The following TBC1D14 variants were observed in gnomAD, a reference collection of about 807,000 sequenced individuals.
TBC1D14 encodes the protein TBC1 domain family, member 14.
Under a neutral mutation model 79.0 loss-of-function variants are expected in TBC1D14, and 26 were observed. The observed-to-expected ratio is 0.33, with a 90% CI of 0.24 to 0.46. The LOEUF is 0.46. Ranked by LOEUF, TBC1D14 falls within the 20% of genes least tolerant of loss-of-function variation. The probability of loss-of-function intolerance (pLI) is 1.00; values close to 1 mark genes in which losing one functional copy is unlikely to be tolerated. For synonymous variants in TBC1D14, 394 were observed against 349.9 expected (o/e 1.13, Z -1.40); for missense variants, 769 against 887.6 (o/e 0.87, Z 1.70).
intron 12 of TBC1D14, among the ~76,000 whole-genome samples, chr4:7,019,180 C>T (rs1160017383): frequency 6.6e-6 from 1 of 152,114 alleles, no homozygotes; most frequent in African/African-American, 2.4e-5. Context: ...CGCCACCACC[C>T]CCAGCTAATT....
Position 7,006,619 on chromosome 4 carries a change from C to T in TBC1D14, c.1352-13C>T, listed in dbSNP as rs762608269. ...CCTTGAGGAATGTAATTATTTTTGG[C>T]ATCTTTTGACAGATGCTGGTTTTTC... is the stretch of plus-strand genomic sequence containing the variant. On this transcript the variant is annotated splice_polypyrimidine_tract_variant and intron_variant, in intron 8 of 13. Transcript: ENST00000409757. 20 of 1,610,422 alleles carry T rather than the reference C, an allele frequency of 1.2e-5. 2 individuals carry two copies. In the South Asian group the frequency reaches 2.1e-4, roughly 17 times the overall value.
chr4:7,031,583 G>A lies in TBC1D14; in HGVS notation c.*1191G>A, dbSNP rs1420781820. 6.6e-6 allele frequency: 1 copy of A among 152,222 alleles called. No homozygotes were observed. Among genetic ancestry groups the A allele is most frequent in the Non-Finnish European group, 1.5e-5 (1 of 68,036 alleles). The allele number at this position is 152,222 out of a possible 1,614,324, so 9.4% of individuals were successfully genotyped here. On this transcript the variant is annotated 3_prime_UTR_variant, in exon 14 of 14. Coordinates refer to ENST00000409757, the MANE Select transcript of TBC1D14 (RefSeq NM_020773.3). ...TGTAGAACTTTGTGTGAGGACTTTGGTTATCCAAAATCACAGAAATGAACC... is the reference window on the plus strand; with the variant it reads ...TGTAGAACTTTGTGTGAGGACTTTGATTATCCAAAATCACAGAAATGAACC...
At chr4:7,010,537 C>A in intron 10 of TBC1D14, 116 bp from the exon 11 acceptor site, 3 of 1,274,822 alleles carry the variant, frequency 2.4e-6, no homozygotes, top group Non-Finnish European at 2.1e-6. Context: ...AGGAGTGGGG[C>A]GGCTCTAGGG....
At chr4:6,946,542 C>T (rs998555284) in intron 2 of TBC1D14, among the ~76,000 whole-genome samples, 6 of 152,096 alleles carry the variant, frequency 3.9e-5, no homozygotes, top group East Asian at 1.9e-4. Flanking sequence ...ATGCTGGTCT[C>T]GAACTCCTAA....
At chr4:6,918,213 A>G (rs928004841) in intron 1 of TBC1D14, among the ~76,000 whole-genome samples, 10 of 152,192 alleles carry the variant, frequency 6.6e-5, no homozygotes, top group Non-Finnish European at 1.2e-4. Flanking sequence ...CTTGGCGGCA[A>G]TTCAGGGAAG....
chr4:7,015,899 T>C (rs1211118590), intron 12 of TBC1D14, among the ~76,000 whole-genome samples: 1 of 152,204 alleles, frequency 6.6e-6, no homozygotes, highest in Admixed American at 6.5e-5. Flanking sequence ...GTAAAGAATG[T>C]ACTATTCGAC....
chr4:6,944,555 A>G (rs1713239560), intron 2 of TBC1D14, among the ~76,000 whole-genome samples: 1 of 152,172 alleles, frequency 6.6e-6, no homozygotes, highest in Non-Finnish European at 1.5e-5. Context: ...TGTCCTTGGC[A>G]GATGGAGTTC....
At chr4:6,989,697 GT>G (rs1012349940) in intron 3 of TBC1D14, among the ~76,000 whole-genome samples, 1 of 152,136 alleles carries the variant, frequency 6.6e-6, no homozygotes, top group Non-Finnish European at 1.5e-5. Flanking sequence ...TCACAAATTA[GT>G]TTCCTCTTTT....
intron 1 of TBC1D14, among the ~76,000 whole-genome samples, chr4:6,917,850 C>T (rs1723527036): frequency 6.6e-6 from 1 of 152,162 alleles, no homozygotes; most frequent in Non-Finnish European, 1.5e-5. Context: ...GGTAGGTGGC[C>T]TGGAGTGCGG....
intron 2 of TBC1D14, among the ~76,000 whole-genome samples, chr4:6,929,669 G>A (rs1711548751): frequency 6.6e-6 from 1 of 152,186 alleles, no homozygotes; most frequent in African/African-American, 2.4e-5. Context: ...GCAGGACTTT[G>A]AGGACGACAT....
At chr4:6,976,528 C>T (rs1485248019) in intron 3 of TBC1D14, among the ~76,000 whole-genome samples, 4 of 152,158 alleles carry the variant, frequency 2.6e-5, no homozygotes, top group Non-Finnish European at 5.9e-5. Context: ...ATTGTTAGAG[C>T]GCCGAAAAGA....
intron 12 of TBC1D14, among the ~76,000 whole-genome samples, chr4:7,015,450 C>G (rs1183726414): frequency 6.6e-6 from 1 of 152,088 alleles, no homozygotes; most frequent in Non-Finnish European, 1.5e-5. Flanking sequence ...GTGGATTTGA[C>G]TTCAGATGGG....
chr4:6,979,223 T>C (rs1229604509), intron 3 of TBC1D14, among the ~76,000 whole-genome samples: 3 of 152,036 alleles, frequency 2.0e-5, no homozygotes, highest in Non-Finnish European at 4.4e-5. Context: ...AGAAAACAAA[T>C]GAGATGGTAG....
chr4:6,997,403 G>C (rs1719168468), intron 5 of TBC1D14: 2 of 152,256 alleles, frequency 1.3e-5, no homozygotes, highest in South Asian at 2.1e-4. Flanking sequence ...GAGGCGCGTG[G>C]ATCACCTGAG....
chr4:6,968,171 A>G (rs1715874384), intron 3 of TBC1D14, among the ~76,000 whole-genome samples: 1 of 151,924 alleles, frequency 6.6e-6, no homozygotes, highest in Non-Finnish European at 1.5e-5. Flanking sequence ...TTTTATATTC[A>G]TTGACATTTG....
At chr4:6,911,109 C>T (rs1040518896) in intron 1 of TBC1D14, among the ~76,000 whole-genome samples, 1 of 152,088 alleles carries the variant, frequency 6.6e-6, no homozygotes, top group Non-Finnish European at 1.5e-5. Flanking sequence ...TTCCTGTTGC[C>T]CAGTTTATCT....
chr4:6,979,545 C>G (rs866280521), intron 3 of TBC1D14, among the ~76,000 whole-genome samples: 1 of 151,984 alleles, frequency 6.6e-6, no homozygotes, highest in Non-Finnish European at 1.5e-5. Flanking sequence ...CGCTTGAGCC[C>G]AGGAGTTTGA....
chr4:6,987,268 G>C, intron 3 of TBC1D14: 1 of 1,293,098 alleles, frequency 7.7e-7, no homozygotes, highest in South Asian at 2.3e-5. Context: ...CCCGCGGTCC[G>C]GGAGGGAGGG....
intron 2 of TBC1D14, among the ~76,000 whole-genome samples, chr4:6,960,081 C>CTT (rs10623660): frequency 0.41 from 53,444 of 131,028 alleles, 11,738 homozygotes; most frequent in East Asian, 0.65. Flanking sequence ...CCCTGTGCCC[C>CTT]TTTTTTTTTT....
Sources: gnomAD v4.1 joint callset for allele counts (sites outside exome capture counted in the v4.1 genomes callset) on GRCh38, gnomAD v4.1.1 for gene constraint, MANE v1.5 for transcripts, NCBI Gene and HGNC (gene_info 2026-07-23, HGNC 2026-07-21) for gene names.